GPC3: variants seen among roughly 807,000 people sequenced by gnomAD.
GPC3 encodes the protein glypican-3.
In GPC3, 3 loss-of-function variants were observed where a neutral mutation model predicts 34.4. That is an observed-to-expected ratio of 0.09 (90% CI 0.04 to 0.23). The LOEUF (loss-of-function observed/expected upper bound fraction) is 0.23. GPC3 is among the 10% of genes least tolerant of loss of function. The pLI is 1.00. For synonymous variants in GPC3, 177 were observed against 174.0 expected, an observed-to-expected ratio of 1.02 and a Z score of -0.13; for missense variants, 351 against 445.6, an observed-to-expected ratio of 0.79 and a Z score of 1.91.
At chrX:133,538,889 T>A (rs1392301053) in intron 7 of GPC3, among the ~76,000 whole-genome samples, 20 of 100,908 alleles carry the variant, frequency 2.0e-4, no homozygotes, top group African/African-American at 4.4e-4. Flanking sequence ...TATTTGTATT[T>A]TTTTTTTTTT....
intron 6 of GPC3, among the ~76,000 whole-genome samples, chrX:133,609,371 C>T (rs1439365773): frequency 1.8e-5 from 2 of 111,788 alleles, no homozygotes; most frequent in Non-Finnish European, 3.8e-5. Context: ...GTTCTCTTTT[C>T]TGTACCTCAA....
chrX:133,800,071 T>G (rs1348091502), intron 2 of GPC3, among the ~76,000 whole-genome samples: 1 of 112,404 alleles, frequency 8.9e-6, no homozygotes, highest in African/African-American at 3.2e-5. Flanking sequence ...CCTTGCACTT[T>G]ATTTGATCTG....
chrX:133,807,816 A>G (rs962462160), intron 2 of GPC3, among the ~76,000 whole-genome samples: 2 of 112,670 alleles, frequency 1.8e-5, no homozygotes, highest in African/African-American at 6.4e-5. Context: ...CCCAAAGAGT[A>G]GTCTCTGGGT....
At chrX:133,709,586 G>A (rs1447954701) in intron 3 of GPC3, among the ~76,000 whole-genome samples, 1 of 111,535 alleles carries the variant, frequency 9.0e-6, no homozygotes. Flanking sequence ...CAATTCTACA[G>A]GTATAATAAA....
At chrX:133,836,249 G>A (rs955186912) in intron 2 of GPC3, among the ~76,000 whole-genome samples, 4 of 113,110 alleles carry the variant, frequency 3.5e-5, no homozygotes, top group African/African-American at 6.4e-5. Context: ...AGTAATTTTT[G>A]GATTTTCATG....
intron 2 of GPC3, among the ~76,000 whole-genome samples, chrX:133,800,411 G>A (rs1299334563): frequency 8.9e-6 from 1 of 111,761 alleles, no homozygotes; most frequent in Admixed American, 9.5e-5. Flanking sequence ...AGATTTCTGT[G>A]GACTTGAGCA....
chrX:133,558,903 G>A (rs753633091), intron 7 of GPC3, among the ~76,000 whole-genome samples: 15 of 102,601 alleles, frequency 1.5e-4, no homozygotes, highest in South Asian at 4.4e-4. Flanking sequence ...AAATAAGTAA[G>A]TAAATAAATA....
intron 2 of GPC3, among the ~76,000 whole-genome samples, chrX:133,843,647 C>A (rs963260182): frequency 1.8e-5 from 2 of 111,293 alleles, no homozygotes; most frequent in African/African-American, 6.5e-5. Context: ...TAGCCATTCC[C>A]AAATTCATAA....
intron 2 of GPC3, among the ~76,000 whole-genome samples, chrX:133,818,435 A>T: frequency 9.0e-6 from 1 of 111,590 alleles, no homozygotes; most frequent in African/African-American, 3.3e-5. Context: ...GAGAATGGAG[A>T]GCCACCCACC....
At chrX:133,688,048 G>A (rs781224826) in intron 5 of GPC3, among the ~76,000 whole-genome samples, 38 of 112,266 alleles carry the variant, frequency 3.4e-4, no homozygotes, top group African/African-American at 1.2e-3. Flanking sequence ...GTGTTATCAG[G>A]GCAAAGACAT....
intron 2 of GPC3, among the ~76,000 whole-genome samples, chrX:133,910,326 ACAGTCTCATCAGAAAGTTCC>A (rs2076192285): frequency 9.0e-6 from 1 of 111,587 alleles, no homozygotes; most frequent in African/African-American, 3.3e-5. Context: ...CCATATCAAA[ACAGTCTCATCAGAAAGTTCC>A]CAGCATCAAA....
chrX:133,593,454 T>A (rs1388148042), intron 7 of GPC3, among the ~76,000 whole-genome samples: 1 of 105,717 alleles, frequency 9.5e-6, no homozygotes, highest in East Asian at 3.1e-4. Flanking sequence ...ATGGCTGTTC[T>A]CACCAAAGTG....
chrX:133,653,798 C>G (rs898800911), intron 6 of GPC3, among the ~76,000 whole-genome samples: 5 of 112,400 alleles, frequency 4.4e-5, no homozygotes, highest in Non-Finnish European at 7.5e-5. Context: ...CTATGGGCTT[C>G]TGCCATGATT....
At chrX:133,544,459 C>T (rs993343504) in intron 7 of GPC3, among the ~76,000 whole-genome samples, 1 of 111,700 alleles carries the variant, frequency 9.0e-6, no homozygotes, top group Non-Finnish European at 1.9e-5. Flanking sequence ...GGTTTTCAAC[C>T]ACCAGCTATG....
chrX:133,769,378 T>C (rs1569429002), intron 2 of GPC3, among the ~76,000 whole-genome samples: 2 of 112,226 alleles, frequency 1.8e-5, no homozygotes, highest in East Asian at 5.6e-4. Flanking sequence ...ATAGATCTTA[T>C]GTCAAGTGTT....
chrX:133,905,818 T>C (rs1457497744), intron 2 of GPC3, among the ~76,000 whole-genome samples: 1 of 110,902 alleles, frequency 9.0e-6, no homozygotes, highest in Non-Finnish European at 1.9e-5. Context: ...TAAAACAAAA[T>C]GGAGGGTGGA....
chrX:133,537,731 T>C (rs1168156905), intron 7 of GPC3, among the ~76,000 whole-genome samples: 1 of 112,167 alleles, frequency 8.9e-6, no homozygotes, highest in African/African-American at 3.2e-5. Flanking sequence ...CAACGTTTCT[T>C]TAATTTGCAG....
chrX:133,907,692 A>G (rs2076175581), intron 2 of GPC3, among the ~76,000 whole-genome samples: 1 of 111,595 alleles, frequency 9.0e-6, no homozygotes, highest in African/African-American at 3.3e-5. Flanking sequence ...ACTATGGAAC[A>G]TTTTGATTGT....
chrX:133,669,143 A>C (rs1233615950), intron 5 of GPC3, among the ~76,000 whole-genome samples: 4 of 111,982 alleles, frequency 3.6e-5, no homozygotes, highest in Non-Finnish European at 7.5e-5. Context: ...GGCAGGTCAA[A>C]GCCATTCAGT....
Sources: allele counts gnomAD v4.1 joint callset (sites outside exome capture counted in the v4.1 genomes callset), GRCh38; gene constraint gnomAD v4.1.1; transcripts MANE v1.5; gene names NCBI Gene and HGNC (gene_info 2026-07-23, HGNC 2026-07-21).